The following INPP5D variants were observed in gnomAD, a reference collection of about 807,000 sequenced individuals.
The protein encoded by INPP5D is inositol polyphosphate-5-phosphatase D, also known as phosphatidylinositol 3,4,5-trisphosphate 5-phosphatase 1.
INPP5D carries 33 observed loss-of-function variants against 122.9 expected under a neutral mutation model. That is an observed-to-expected ratio of 0.27 (90% confidence interval 0.20 to 0.36). INPP5D has a LOEUF of 0.36. Ranked by LOEUF, INPP5D falls within the 10% of genes least tolerant of loss-of-function variation. The probability of loss-of-function intolerance (pLI) is 1.00; values close to 1 mark genes in which losing one functional copy is unlikely to be tolerated. For synonymous variants in INPP5D, 584 were observed against 576.2 expected, an observed-to-expected ratio of 1.01 and a Z score of -0.19; for missense variants, 1,053 against 1,412.7, an observed-to-expected ratio of 0.75 and a Z score of 4.08.
intron 1 of INPP5D, among the ~76,000 whole-genome samples, chr2:233,067,116 C>T (rs1032046131): frequency 6.6e-5 from 10 of 152,170 alleles, no homozygotes; most frequent in African/African-American, 2.2e-4. Flanking sequence ...AGTGCATTCA[C>T]AATGTTGTGA....
intron 13 of INPP5D, chr2:233,168,811 TC>T (rs1378985902): frequency 1.3e-5 from 2 of 153,642 alleles, no homozygotes; most frequent in African/African-American, 2.4e-5. Flanking sequence ...AATCTGCCCT[TC>T]CATGAAGTTC....
intron 2 of INPP5D, among the ~76,000 whole-genome samples, chr2:233,121,121 C>CTTTTTTTTTTTCTTT (rs1559302919): frequency 5.1e-5 from 6 of 117,650 alleles, no homozygotes; most frequent in African/African-American, 9.2e-5. Flanking sequence ...TTCTTTCTTT[C>CTTTTTTTTTTTCTTT]TTTTTTTTTT....
chr2:233,138,131 C>T (rs943183842), intron 5 of INPP5D, among the ~76,000 whole-genome samples: 5 of 150,364 alleles, frequency 3.3e-5, no homozygotes, highest in Non-Finnish European at 5.9e-5. Flanking sequence ...GTGGGCGGAT[C>T]ACCTGAGGTC....
chr2:233,147,985 G>A (rs1693812945), intron 9 of INPP5D, among the ~76,000 whole-genome samples: 2 of 152,244 alleles, frequency 1.3e-5, no homozygotes, highest in Non-Finnish European at 2.9e-5. Flanking sequence ...TTCCTCATCT[G>A]TAAAATGGGG....
At position 233,177,304 on chromosome 2, in the gene INPP5D, T is replaced by C. The variant is rs992961848; in HGVS notation, c.2029T>C (p.Trp677Arg). The change falls in exon 18 of 27, where the codon TGG becomes CGG. Residue 677 changes from tryptophan (W) to arginine (R), a missense_variant. Physicochemically the swap from Trp to Arg is moderately radical, Grantham distance 101. This residue lies in a region of INPP5D where 258 missense variants were observed against 439.1 expected (regional missense o/e 0.59). Coordinates refer to ENST00000445964, the MANE Select transcript of INPP5D (RefSeq NM_001017915.3). This position sits in a 1 kb window ranked among gnomAD's most constrained non-coding sequence, Gnocchi z 4.2. ...GCCTTCCTGGTGTGACCGAGTCCTC[T>C]GGAAGTCTTATCCCCTGGTGCACGT... ...NLPSWCDRVL[W>R]KSYPLVHVVC... The C allele has an allele frequency of 2.5e-6, 4 of 1,613,836 alleles. No homozygotes were observed. The highest frequency in any genetic ancestry group is 3.4e-6 in the Non-Finnish European group (4 of 1,179,866).
chr2:233,133,694 A>G (rs1054736366), intron 5 of INPP5D, among the ~76,000 whole-genome samples: 3 of 152,218 alleles, frequency 2.0e-5, no homozygotes, highest in African/African-American at 7.2e-5. Context: ...CAGGAGCCAC[A>G]TCACGCAAGG....
chr2:233,122,118 C>T lies in INPP5D; in HGVS notation c.210C>T (p.Gly70=), dbSNP rs750368402. 10 of 1,613,718 alleles carry T rather than the reference C, an allele frequency of 6.2e-6. No individual in the cohort carries two copies. The highest frequency in any genetic ancestry group is 1.6e-4 in the Middle Eastern group (1 of 6,082). Residue 70 remains glycine (G), a synonymous_variant, in exon 3 of 27, where the codon GGC becomes GGT. Coordinates refer to ENST00000445964, the MANE Select transcript of INPP5D (RefSeq NM_001017915.3). Reference sequence around the variant, plus strand: ...TGTTCTGTCCTCAGGCATCCGAAGGCGTCTCCATGAGGTTCTTCACCAAGC... The same window carrying T: ...TGTTCTGTCCTCAGGCATCCGAAGGTGTCTCCATGAGGTTCTTCACCAAGC... ...DDKFTVQASE[G]VSMRFFTKLD... is the part of the protein sequence containing the mutation.
Position 233,165,032 on chromosome 2 carries a change from G to A in INPP5D, c.1555+608G>A, listed in dbSNP as rs1694292468. ...GGAGAGTTGCTGGCTTCAGAGAGCA[G>A]TAACAAGGGCAAGAAGTCTTCATAA... On this transcript the variant is annotated intron_variant, in intron 13 of 26. Coordinates refer to ENST00000445964, the MANE Select transcript of INPP5D (RefSeq NM_001017915.3). Among the ~76,000 whole-genome samples, 3 of 152,214 alleles carry A rather than the reference G, an allele frequency of 2.0e-5. No individual in the cohort carries two copies. The South Asian group carries it at 6.2e-4, about 32-fold the overall frequency.
At chr2:233,118,557 C>G (rs1015264395) in intron 2 of INPP5D, among the ~76,000 whole-genome samples, 1 of 152,266 alleles carries the variant, frequency 6.6e-6, no homozygotes, top group South Asian at 2.1e-4. Flanking sequence ...TATGAAGACA[C>G]CTTCCTGGAC....
At chr2:233,106,741 T>A (rs1389035923) in intron 2 of INPP5D, among the ~76,000 whole-genome samples, 1 of 152,222 alleles carries the variant, frequency 6.6e-6, no homozygotes, top group African/African-American at 2.4e-5. Flanking sequence ...GCTGTGACTC[T>A]AGTGATCAAG....
chr2:233,200,973 TAAATAAATAAATAAATAAATAA>T, intron 25 of INPP5D, among the ~76,000 whole-genome samples: 1 of 82,110 alleles, frequency 1.2e-5, no homozygotes, highest in East Asian at 7.3e-4. Context: ...AATAAATAAA[TAAATAAATAAATAAATAAATAA>T]ATAAATAAAT....
At chr2:233,109,891 T>C (rs1182592494) in intron 2 of INPP5D, among the ~76,000 whole-genome samples, 1 of 151,650 alleles carries the variant, frequency 6.6e-6, no homozygotes, top group African/African-American at 2.4e-5. Flanking sequence ...CACCAGTCTT[T>C]ATCTTTTTTT....
intron 21 of INPP5D, among the ~76,000 whole-genome samples, 155 bp downstream of exon 21, chr2:233,186,080 G>A (rs1195318520): frequency 6.6e-6 from 1 of 152,186 alleles, no homozygotes; most frequent in African/African-American, 2.4e-5. Flanking sequence ...GCAAGCTCTC[G>A]CTCAAGGTGG....
rs1694248839 is a variant in INPP5D at position 233,163,573 on chromosome 2, T to C, written c.1241-134T>C. On this transcript the variant is annotated intron_variant, in intron 11 of 26. Coordinates refer to ENST00000445964, the MANE Select transcript of INPP5D (RefSeq NM_001017915.3). ...GGCGCCCAGGCCTCCATTGCAGGCA[T>C]TTCTTTGGGCTGCCTGGATGGTCTT... The C allele has an allele frequency of 2.7e-6, 4 of 1,488,540 alleles. No homozygotes were observed. In the Admixed American group the frequency reaches 1.0e-4, roughly 38 times the overall value. The allele number at this position is 1,488,540 out of a possible 1,614,324, so 92.2% of individuals were successfully genotyped here. A position where few individuals can be genotyped will look rare whatever the true frequency, so the allele number is the denominator to read the frequency against.
intron 18 of INPP5D, among the ~76,000 whole-genome samples, chr2:233,178,237 G>T (rs1273357594): frequency 6.6e-6 from 1 of 152,044 alleles, no homozygotes; most frequent in Non-Finnish European, 1.5e-5. Context: ...TTCAAAACCA[G>T]CCTGGGCAAC....
At position 233,164,219 on chromosome 2, in the gene INPP5D, G is replaced by A; in HGVS notation, c.1438-88G>A. 3.4e-6 allele frequency: 5 copies of A among 1,472,340 alleles called. No individual in the cohort carries two copies. Among genetic ancestry groups the A allele is most frequent in the Non-Finnish European group, 4.5e-6 (5 of 1,107,710 alleles). 91.2% of individuals were successfully genotyped at this position (1,472,340 alleles called of 1,614,324 possible). A position where few individuals can be genotyped will look rare whatever the true frequency, so the allele number is the denominator to read the frequency against. ...ACAGACAGGATACCCCATACCCAGGGGCTGCGGCTGGGGCTGGGTGTGAAT... is the reference window on the plus strand; with the variant it reads ...ACAGACAGGATACCCCATACCCAGGAGCTGCGGCTGGGGCTGGGTGTGAAT... On this transcript the variant is annotated intron_variant, in intron 12 of 26. Transcript: ENST00000445964. The surrounding 1 kb of genome is among the most constrained non-coding windows in gnomAD (Gnocchi z 4.3).
chr2:233,174,584 G>A (rs911212803), intron 17 of INPP5D, among the ~76,000 whole-genome samples: 5 of 152,172 alleles, frequency 3.3e-5, no homozygotes, highest in Admixed American at 6.5e-5. Context: ...TTGAGGCCAG[G>A]AGTTTGAGAC....
intron 17 of INPP5D, among the ~76,000 whole-genome samples, chr2:233,174,964 C>T (rs377763016): frequency 7.9e-5 from 12 of 152,042 alleles, no homozygotes; most frequent in Non-Finnish European, 1.0e-4. Context: ...TGGTGGCTCA[C>T]GCCTATAATC....
Position 233,188,321 on chromosome 2 carries a change from C to T in INPP5D, c.2359-1529C>T, listed in dbSNP as rs964234544. Among the ~76,000 whole-genome samples the T allele has an allele frequency of 2.0e-5, 3 of 152,070 alleles. No homozygotes were observed. The highest frequency in any genetic ancestry group is 7.2e-5 in the African/African-American group (3 of 41,400). ...TGTGGCCCCCTAGATAGTTCTCCTC[C>T]CTGCCACCGCCTGCCAGGGTGGTGG... On this transcript the variant is annotated intron_variant, in intron 21 of 26. Transcript: ENST00000445964. The surrounding 1 kb of genome is among the most constrained non-coding windows in gnomAD (Gnocchi z 4.7).
Sources: gnomAD v4.1 joint callset for allele counts (sites outside exome capture counted in the v4.1 genomes callset) on GRCh38, gnomAD v4.1.1 for gene constraint, gnomAD v4.1.1 regional missense constraint, Gnocchi (gnomAD v3.1) non-coding constraint, MANE v1.5 for transcripts, NCBI Gene and HGNC (gene_info 2026-07-23, HGNC 2026-07-21) for gene names.